RNF103: variants seen among roughly 807,000 people sequenced by gnomAD.
The protein encoded by RNF103 is ring finger protein 103.
RNF103 carries 23 observed loss-of-function variants against 66.2 expected under a neutral mutation model. That is an observed-to-expected ratio of 0.35 (90% CI 0.25 to 0.49). RNF103 has a LOEUF of 0.49. Ranked by LOEUF, RNF103 falls within the 20% of genes least tolerant of loss-of-function variation. The pLI is 0.98. For missense variants in RNF103, 730 were observed against 814.7 expected, an observed-to-expected ratio of 0.90 and a Z score of 1.27; for synonymous variants, 297 against 289.9, an observed-to-expected ratio of 1.02 and a Z score of -0.25.
chr2:86,607,394 T>C (rs1678615708), intron 3 of RNF103, among the ~76,000 whole-genome samples: 3 of 152,336 alleles, frequency 2.0e-5, no homozygotes, highest in South Asian at 2.1e-4. Context: ...TTCTGTGATA[T>C]AGTTTAAGAT....
chr2:86,617,003 T>C (rs1679047627), intron 2 of RNF103: 1 of 985,046 alleles, frequency 1.0e-6, no homozygotes, highest in Non-Finnish European at 1.2e-6. Context: ...GTTAAATGAA[T>C]AGCTAATGAA....
At chr2:86,617,803 C>T in intron 2 of RNF103, 1 of 1,034,974 alleles carries the variant, frequency 9.7e-7, no homozygotes, top group Non-Finnish European at 1.2e-6. Context: ...AAAAGTACAA[C>T]CCTCTTTTAA....
At position 86,615,521 on chromosome 2, in the gene RNF103, TATATATATATATATATA is replaced by T. The variant is rs1175025101; in HGVS notation, c.367-3264_367-3248del. On this transcript the variant is annotated intron_variant, in intron 2 of 3. Coordinates refer to ENST00000237455, the MANE Select transcript of RNF103 (RefSeq NM_005667.4). Reference sequence around the variant, plus strand: ...CTAATATATATATATACATATGCCTTATATATATATATATATAATATATATACACACACACACTATGT... The same window carrying T: ...CTAATATATATATATACATATGCCTTATATATATACACACACACACTATGT... Among the ~76,000 whole-genome samples the T allele has an allele frequency of 5.3e-3, 184 of 34,628 alleles. 1 individual carries two copies. Among genetic ancestry groups the T allele is most frequent in the African/African-American group, 0.011 (178 of 15,510 alleles). The allele number at this position is 34,628 out of a possible 152,430, so 22.7% of individuals were successfully genotyped here.
At chr2:86,613,447 A>C (rs1413229402) in intron 2 of RNF103, 1 of 152,210 alleles carries the variant, frequency 6.6e-6, no homozygotes, top group Non-Finnish European at 1.5e-5. Context: ...AAAAATGTCT[A>C]AAGTCATCAT....
intron 2 of RNF103, chr2:86,617,417 C>T: frequency 1.8e-6 from 1 of 559,018 alleles, no homozygotes; most frequent in Non-Finnish European, 2.3e-6. Flanking sequence ...AGAGACACCA[C>T]ATTTACATAA....
intron 2 of RNF103, chr2:86,616,803 G>C: frequency 1.0e-6 from 1 of 985,406 alleles, no homozygotes; most frequent in African/African-American, 1.7e-5. Context: ...TATGACAAAA[G>C]TCAAAACGGA....
chr2:86,616,689 T>C (rs1679037663), intron 2 of RNF103: 1 of 985,470 alleles, frequency 1.0e-6, no homozygotes, highest in Non-Finnish European at 1.2e-6. Context: ...CAAAGCTTTA[T>C]TTTAAATCAT....
intron 1 of RNF103, 52 bp from the exon 2 acceptor site, chr2:86,620,521 C>T: frequency 6.8e-7 from 1 of 1,460,330 alleles, no homozygotes; most frequent in Non-Finnish European, 9.2e-7. Flanking sequence ...TCCTAGATTC[C>T]CAATTTCAGT....
intron 2 of RNF103, among the ~76,000 whole-genome samples, chr2:86,619,867 G>C (rs1679159304): frequency 6.6e-6 from 1 of 152,052 alleles, no homozygotes; most frequent in Non-Finnish European, 1.5e-5. Flanking sequence ...TTCCACAACA[G>C]CTCCTCTATA....
intron 2 of RNF103, chr2:86,614,297 T>C (rs979114123): frequency 6.6e-6 from 1 of 152,176 alleles, no homozygotes; most frequent in African/African-American, 2.4e-5. Context: ...GGTCCAAAAG[T>C]ACTTTATAAG....
chr2:86,614,726 G>A, intron 2 of RNF103: 1 of 939,908 alleles, frequency 1.1e-6, no homozygotes, highest in Non-Finnish European at 1.3e-6. Flanking sequence ...AGTCAATCTG[G>A]TAGTTCTTTT....
intron 2 of RNF103, 200 bp from the exon 3 acceptor site, chr2:86,612,474 GTAAAT>G: frequency 2.1e-6 from 1 of 486,424 alleles, no homozygotes; most frequent in Non-Finnish European, 3.6e-6. Context: ...ACACTGAAAC[GTAAAT>G]TAAACTCTCC....
chr2:86,623,832 T>C lies in RNF103; in HGVS notation c.-946A>G, dbSNP rs1679339776. On this transcript the variant is annotated 5_prime_UTR_variant, in exon 1 of 4. Coordinates refer to ENST00000237455, the MANE Select transcript of RNF103 (RefSeq NM_005667.4). ...CGGCCGTACCCTCCACAACCGTGTA[T>C]CAGCGGCGGCCGCGGCCGGAGCCGA... 7.8e-7 allele frequency: 1 copy of C among 1,287,852 alleles called. No homozygotes were observed. The highest frequency in any genetic ancestry group is 1.0e-6 in the Non-Finnish European group (1 of 988,320). The allele number at this position is 1,287,852 out of a possible 1,614,324, so 79.8% of individuals were successfully genotyped here.
At chr2:86,606,017 T>C (rs1390662254) in intron 3 of RNF103, among the ~76,000 whole-genome samples, 1 of 151,204 alleles carries the variant, frequency 6.6e-6, no homozygotes, top group Non-Finnish European at 1.5e-5. Flanking sequence ...CCACAATGCC[T>C]GACTGCTACA....
Position 86,623,143 on chromosome 2 carries a change from G to C in RNF103, c.-257C>G, listed in dbSNP as rs1679299928. On this transcript the variant is annotated 5_prime_UTR_variant, in exon 1 of 4. Coordinates refer to ENST00000237455, the MANE Select transcript of RNF103 (RefSeq NM_005667.4). ...CCAGTCAAGAGCCGACAAAAATAAA[G>C]GGGAAAAACTCAAAACCCCCATCCA... is the stretch of plus-strand genomic sequence containing the variant. The C allele has an allele frequency of 8.6e-7, 1 of 1,166,710 alleles. No individual in the cohort carries two copies. Among genetic ancestry groups the C allele is most frequent in the Non-Finnish European group, 1.1e-6 (1 of 948,140 alleles). 72.3% of individuals were successfully genotyped at this position (1,166,710 alleles called of 1,614,324 possible). A position where few individuals can be genotyped will look rare whatever the true frequency, so the allele number is the denominator to read the frequency against.
At chr2:86,607,970 A>G (rs1678635338) in intron 3 of RNF103, among the ~76,000 whole-genome samples, 1 of 152,264 alleles carries the variant, frequency 6.6e-6, no homozygotes, top group African/African-American at 2.4e-5. Flanking sequence ...TTATCATTCC[A>G]GATAGAATAA....
At position 86,620,589 on chromosome 2, in the gene RNF103, G is replaced by T. The variant is rs1216351347; in HGVS notation, c.227-120C>A. Reference sequence around the variant, plus strand: ...TATTGTACTTTCATTGTATTTTATAGACAAGAACTACTAGAAGAACCTGGA... The same window carrying T: ...TATTGTACTTTCATTGTATTTTATATACAAGAACTACTAGAAGAACCTGGA... On this transcript the variant is annotated intron_variant, in intron 1 of 3. Coordinates refer to ENST00000237455, the MANE Select transcript of RNF103 (RefSeq NM_005667.4). The T allele has an allele frequency of 3.1e-6, 4 of 1,272,112 alleles. No individual in the cohort carries two copies. The East Asian group carries it at 1.0e-4, about 33-fold the overall frequency. The allele number at this position is 1,272,112 out of a possible 1,614,324, so 78.8% of individuals were successfully genotyped here.
chr2:86,612,459 T>C (rs566269853), intron 2 of RNF103, 185 bp from the exon 3 acceptor site: 3 of 512,778 alleles, frequency 5.9e-6, no homozygotes, highest in African/African-American at 4.0e-5. Context: ...GGAAAAAGAC[T>C]TGAAACACTG....
Position 86,622,897 on chromosome 2 carries a change from G to C in RNF103, c.-11C>G, listed in dbSNP as rs534434852. ...AAGCTTCAGCCACATCTTCCCTGGA[G>C]TTTCCTCTCTTTCCAGAGAGCTCGG... On this transcript the variant is annotated 5_prime_UTR_variant, in exon 1 of 4. Transcript: ENST00000237455. 1.9e-6 allele frequency: 3 copies of C among 1,581,052 alleles called. No homozygotes were observed. Among genetic ancestry groups the C allele is most frequent in the African/African-American group, 2.7e-5 (2 of 73,908 alleles).
Sources: gnomAD v4.1 joint callset for allele counts (sites outside exome capture counted in the v4.1 genomes callset) on GRCh38, gnomAD v4.1.1 for gene constraint, MANE v1.5 for transcripts, NCBI Gene and HGNC (gene_info 2026-07-23, HGNC 2026-07-21) for gene names.